THSD7B: variants seen among roughly 807,000 people sequenced by gnomAD.
THSD7B encodes thrombospondin type-1 domain-containing protein 7B.
Under a neutral mutation model 213.6 loss-of-function variants are expected in THSD7B, and 138 were observed. That is an observed-to-expected ratio of 0.65 (90% confidence interval 0.56 to 0.74). The LOEUF (loss-of-function observed/expected upper bound fraction) is 0.74, where lower values mean the gene tolerates loss of function less well. Ranked by LOEUF, THSD7B falls within the 30% of genes least tolerant of loss-of-function variation. THSD7B has a pLI of 0.00. For synonymous variants in THSD7B, 742 were observed against 687.0 expected, an observed-to-expected ratio of 1.08 and a Z score of -1.25; for missense variants, 1,931 against 1,991.5, an observed-to-expected ratio of 0.97 and a Z score of 0.58.
chr2:137,040,718 C>T (rs1271002402), intron 2 of THSD7B, among the ~76,000 whole-genome samples: 3 of 152,078 alleles, frequency 2.0e-5, no homozygotes, highest in African/African-American at 7.2e-5. Context: ...CTTTCTGAGA[C>T]CTGTAGATCT....
chr2:137,132,261 CA>C (rs1470653267), intron 5 of THSD7B, among the ~76,000 whole-genome samples: 1 of 151,190 alleles, frequency 6.6e-6, no homozygotes, highest in East Asian at 1.9e-4. Flanking sequence ...AGTTGCTTAT[CA>C]GCTTAAGGAG....
chr2:137,285,520 T>C (rs1444438156), intron 12 of THSD7B, among the ~76,000 whole-genome samples: 2 of 152,020 alleles, frequency 1.3e-5, no homozygotes, highest in African/African-American at 4.8e-5. Flanking sequence ...ATTTGGCATG[T>C]TTTTGCAGTG....
chr2:137,129,368 T>G (rs924336351), intron 5 of THSD7B, among the ~76,000 whole-genome samples: 1 of 152,162 alleles, frequency 6.6e-6, no homozygotes, highest in African/African-American at 2.4e-5. Flanking sequence ...GTTCTTTTTA[T>G]GTCAGATATA....
Position 137,642,641 on chromosome 2 carries a change from A to G in THSD7B, c.3945+8A>G. 6.2e-7 allele frequency: 1 copy of G among 1,612,972 alleles called. No homozygotes were observed. The highest frequency in any genetic ancestry group is 8.5e-7 in the Non-Finnish European group (1 of 1,179,570). On this transcript the variant is annotated splice_region_variant and intron_variant, in intron 21 of 27. Transcript: ENST00000409968. ...TCTGCATGTAAATTGGAGGTAGGTC[A>G]TGTAATGACAGTTAGAGAAATATTC... is the stretch of plus-strand genomic sequence containing the variant.
intron 1 of THSD7B, among the ~76,000 whole-genome samples, chr2:136,806,731 TTC>T (rs1321673028): frequency 1.3e-5 from 2 of 152,190 alleles, no homozygotes; most frequent in Non-Finnish European, 2.9e-5. Context: ...ATTAGCTACT[TTC>T]TGCGCTTCAT....
At chr2:137,330,302 C>G (rs1472607901) in intron 12 of THSD7B, among the ~76,000 whole-genome samples, 1 of 152,112 alleles carries the variant, frequency 6.6e-6, no homozygotes, top group African/African-American at 2.4e-5. Context: ...GAGAAGAGGG[C>G]CACCATCCTC....
intron 15 of THSD7B, among the ~76,000 whole-genome samples, chr2:137,502,293 GATAA>G (rs1352476602): frequency 1.4e-4 from 21 of 149,452 alleles, no homozygotes; most frequent in East Asian, 1.4e-3. Context: ...CTGACAGATA[GATAA>G]ATAGATAGAT....
At chr2:136,872,039 A>G (rs1032962278) in intron 1 of THSD7B, among the ~76,000 whole-genome samples, 1 of 152,204 alleles carries the variant, frequency 6.6e-6, no homozygotes, top group Admixed American at 6.5e-5. Flanking sequence ...GCACACTCAT[A>G]CAACATACAT....
intron 13 of THSD7B, among the ~76,000 whole-genome samples, chr2:137,410,465 C>T (rs900757682): frequency 1.1e-4 from 16 of 152,164 alleles, no homozygotes; most frequent in Non-Finnish European, 1.3e-4. Context: ...GATGGGGTTT[C>T]ACTATGTTGG....
chr2:137,360,303 C>T (rs1311261994), intron 12 of THSD7B, among the ~76,000 whole-genome samples: 1 of 152,120 alleles, frequency 6.6e-6, no homozygotes, highest in Non-Finnish European at 1.5e-5. Flanking sequence ...GTGATCGACG[C>T]AGAAGACCGG....
intron 6 of THSD7B, among the ~76,000 whole-genome samples, chr2:137,165,653 C>A (rs1017585772): frequency 1.3e-5 from 2 of 151,948 alleles, no homozygotes; most frequent in African/African-American, 4.8e-5. Context: ...GGGATATAAG[C>A]GGGAGTGTTT....
At position 137,153,855 on chromosome 2, in the gene THSD7B, TA is replaced by T. The variant is rs142529366; in HGVS notation, c.1370-6357del. Reference sequence around the variant, plus strand: ...AAAATCATTTAGAAAGTAGCATTTTTACATAAGTAGGCTCTTTCATTAGTTT... The same window carrying T: ...AAAATCATTTAGAAAGTAGCATTTTTCATAAGTAGGCTCTTTCATTAGTTT... On this transcript the variant is annotated intron_variant, in intron 5 of 27. Transcript: ENST00000409968. 2.2e-3 allele frequency among the ~76,000 whole-genome samples: 335 copies of T among 152,298 alleles called. 4 individuals are homozygous for T. Among genetic ancestry groups the T allele is most frequent in the African/African-American group, 7.6e-3 (315 of 41,580 alleles).
chr2:136,874,213 C>CT (rs2104984272), intron 1 of THSD7B, among the ~76,000 whole-genome samples: 1 of 152,314 alleles, frequency 6.6e-6, no homozygotes, highest in South Asian at 2.1e-4. Flanking sequence ...AAACAACCGA[C>CT]TATCTTTGGG....
intron 15 of THSD7B, among the ~76,000 whole-genome samples, chr2:137,506,732 G>A (rs1679844091): frequency 6.6e-6 from 1 of 152,194 alleles, no homozygotes. Context: ...ATGACCTCCT[G>A]ATGAAAACCT....
At chr2:137,197,213 G>A (rs1680781681) in intron 7 of THSD7B, among the ~76,000 whole-genome samples, 1 of 152,138 alleles carries the variant, frequency 6.6e-6, no homozygotes, top group Admixed American at 6.6e-5. Context: ...ATCTAAAAAG[G>A]TCCGGAAATT....
intron 15 of THSD7B, among the ~76,000 whole-genome samples, chr2:137,536,346 G>A (rs765435116): frequency 3.4e-4 from 51 of 151,350 alleles, no homozygotes; most frequent in Non-Finnish European, 6.8e-4. Context: ...ACAGATTTGG[G>A]GAAGTTTAGG....
intron 12 of THSD7B, among the ~76,000 whole-genome samples, chr2:137,347,392 A>G (rs1477864996): frequency 1.3e-5 from 2 of 151,650 alleles, no homozygotes; most frequent in Non-Finnish European, 3.0e-5. Flanking sequence ...AGTCAATGAA[A>G]GGATTAGTAT....
chr2:137,675,466 AG>A (rs1683679660), intron 27 of THSD7B, among the ~76,000 whole-genome samples: 1 of 143,982 alleles, frequency 6.9e-6, no homozygotes, highest in South Asian at 2.2e-4. Flanking sequence ...TGTGGTGAAA[AG>A]GTTAAAAGCT....
chr2:137,635,603 T>C (rs1185750039), intron 20 of THSD7B, among the ~76,000 whole-genome samples: 3 of 152,184 alleles, frequency 2.0e-5, no homozygotes, highest in African/African-American at 4.8e-5. Flanking sequence ...TATGTACTCA[T>C]TACAGGCATG....
Sources: allele counts gnomAD v4.1 joint callset (sites outside exome capture counted in the v4.1 genomes callset), GRCh38; gene constraint gnomAD v4.1.1; transcripts MANE v1.5; gene names NCBI Gene and HGNC (gene_info 2026-07-23, HGNC 2026-07-21).